STK33: variants seen among roughly 807,000 people sequenced by gnomAD.
The protein encoded by STK33 is serine/threonine kinase 33.
STK33 carries 52 observed loss-of-function variants against 58.0 expected under a neutral mutation model. The observed-to-expected ratio is 0.90, with a 90% confidence interval of 0.72 to 1.13. The LOEUF (loss-of-function observed/expected upper bound fraction) is 1.13, where lower values mean the gene tolerates loss of function less well. Among genes scored for constraint, STK33 ranks in the 50% most tolerant of loss-of-function variants. STK33 has a pLI of 0.00. For missense variants in STK33, 630 were observed against 604.2 expected (o/e 1.04, Z -0.45); for synonymous variants, 215 against 200.1 (o/e 1.07, Z -0.63).
In STK33 at chr11:8,400,503, A is replaced by G. The variant is rs551995050; in HGVS notation, c.1345-7793T>C. On this transcript the variant is annotated intron_variant, in intron 15 of 15. Coordinates refer to ENST00000687296, the MANE Select transcript of STK33 (RefSeq NM_001352389.2). ...TAAGAGCTATCTATGACAAACCCAC[A>G]GCCAATATCATAATGAATGGGCAAA... 2.0e-5 allele frequency among the ~76,000 whole-genome samples: 3 copies of G among 152,334 alleles called. No individual in the cohort carries two copies. In the South Asian group the frequency reaches 6.2e-4, roughly 32 times the overall value.
chr11:8,582,014 T>C (rs966649943), intron 1 of STK33, among the ~76,000 whole-genome samples: 6 of 152,218 alleles, frequency 3.9e-5, no homozygotes, highest in East Asian at 1.9e-4. Context: ...AAAATGACTA[T>C]AGTGCTCCCA....
rs890497385 is a variant in STK33, at chr11:8,570,613, C to T, written c.-466+23470G>A. Reference sequence around the variant, plus strand: ...AATGAGTAAGTTATGGGTGCACACACGTAGTACTGTATGATTCCATTTACA... The same window carrying T: ...AATGAGTAAGTTATGGGTGCACACATGTAGTACTGTATGATTCCATTTACA... On this transcript the variant is annotated intron_variant, in intron 1 of 15. Transcript: ENST00000687296. Among the ~76,000 whole-genome samples the T allele has an allele frequency of 3.9e-5, 6 of 152,256 alleles. No individual in the cohort carries two copies. The South Asian group carries it at 6.2e-4, about 16-fold the overall frequency.
At chr11:8,586,814 A>G (rs575325370) in intron 1 of STK33, among the ~76,000 whole-genome samples, 9 of 124,036 alleles carry the variant, frequency 7.3e-5, no homozygotes, top group Non-Finnish European at 1.5e-4. Flanking sequence ...ACAGAGCAAG[A>G]CTCTGTCTAA....
chr11:8,518,756 T>C (rs1171876691), intron 1 of STK33, among the ~76,000 whole-genome samples: 1 of 152,206 alleles, frequency 6.6e-6, no homozygotes, highest in Non-Finnish European at 1.5e-5. Flanking sequence ...GGCCATTACT[T>C]AATGGTAAAG....
At chr11:8,429,640 A>C (rs958842401) in intron 14 of STK33, among the ~76,000 whole-genome samples, 4 of 152,024 alleles carry the variant, frequency 2.6e-5, no homozygotes, top group African/African-American at 9.7e-5. Context: ...CGACAACCAT[A>C]TCACACACTG....
intron 1 of STK33, among the ~76,000 whole-genome samples, chr11:8,501,908 T>C (rs1288080784): frequency 6.6e-6 from 1 of 152,170 alleles, no homozygotes; most frequent in Non-Finnish European, 1.5e-5. Context: ...TTGAAAATAT[T>C]CTGCTAAGTA....
At chr11:8,577,131 G>C (rs1254427324) in intron 1 of STK33, among the ~76,000 whole-genome samples, 1 of 152,028 alleles carries the variant, frequency 6.6e-6, no homozygotes, top group Non-Finnish European at 1.5e-5. Flanking sequence ...GGGTACTATG[G>C]TATCTAACAT....
the STK33 span, among the ~76,000 whole-genome samples, chr11:8,357,720 T>C: frequency 6.6e-6 from 1 of 151,718 alleles, no homozygotes; most frequent in African/African-American, 2.4e-5. Context: ...AGGCCCACAG[T>C]CCCCCTCCAG....
chr11:8,353,287 C>A, the STK33 span, among the ~76,000 whole-genome samples: 3 of 152,226 alleles, frequency 2.0e-5, no homozygotes, highest in Admixed American at 2.0e-4. Context: ...GTGGCCACAC[C>A]CAGTCAATAG....
rs10635095 is a variant in STK33, at chr11:8,462,442, TACAC to T, written c.454-537_454-534del. ...ACATATATATACATATATACATATATACACACACACACACACACACACACACACA... is the reference window on the plus strand; with the variant it reads ...ACATATATATACATATATACATATATACACACACACACACACACACACACA... On this transcript the variant is annotated intron_variant, in intron 7 of 15. Transcript: ENST00000687296. 2.6e-3 allele frequency among the ~76,000 whole-genome samples: 338 copies of T among 128,358 alleles called. 1 individual carries two copies. Among genetic ancestry groups the T allele is most frequent in the Non-Finnish European group, 4.0e-3 (253 of 62,766 alleles). The allele number at this position is 128,358 out of a possible 152,430, so 84.2% of individuals were successfully genotyped here.
At chr11:8,413,842 A>C (rs1392826845) in intron 14 of STK33, 150 bp from the exon 15 acceptor site, 5 of 697,388 alleles carry the variant, frequency 7.2e-6, no homozygotes, top group Admixed American at 2.8e-5. Flanking sequence ...TCTGATGACC[A>C]CTGGAGTACA....
chr11:8,541,674 C>A (rs551611580), intron 1 of STK33, among the ~76,000 whole-genome samples: 1 of 152,118 alleles, frequency 6.6e-6, no homozygotes, highest in Non-Finnish European at 1.5e-5. Flanking sequence ...ATTTTACTTT[C>A]CATTTGTTCA....
intron 1 of STK33, among the ~76,000 whole-genome samples, chr11:8,524,890 T>A (rs1362438656): frequency 2.0e-5 from 3 of 151,828 alleles, no homozygotes; most frequent in African/African-American, 7.3e-5. Context: ...GAGGAAACTT[T>A]TTGAGGGGAT....
intron 14 of STK33, among the ~76,000 whole-genome samples, chr11:8,430,905 C>T (rs1943345846): frequency 7.1e-6 from 1 of 140,362 alleles, no homozygotes; most frequent in Admixed American, 7.4e-5. Flanking sequence ...CTTGCTCTGT[C>T]ACCCAGGTTG....
chr11:8,482,256 G>A (rs1370625343), intron 1 of STK33, among the ~76,000 whole-genome samples: 2 of 152,198 alleles, frequency 1.3e-5, no homozygotes, highest in African/African-American at 4.8e-5. Flanking sequence ...GAAGAGAAGA[G>A]TGCATGTGGC....
chr11:8,527,074 C>T (rs1349512694), intron 1 of STK33, among the ~76,000 whole-genome samples: 95 of 150,720 alleles, frequency 6.3e-4, no homozygotes, highest in Non-Finnish European at 2.8e-4. Context: ...GGGGTTCATG[C>T]AATTCTCCTG....
intron 14 of STK33, among the ~76,000 whole-genome samples, chr11:8,431,522 A>G (rs1332009260): frequency 6.6e-6 from 1 of 152,228 alleles, no homozygotes; most frequent in Non-Finnish European, 1.5e-5. Flanking sequence ...TTGTGACTAT[A>G]AAGCAAAGTA....
At chr11:8,350,519 A>G in the STK33 span, among the ~76,000 whole-genome samples, 1 of 152,114 alleles carries the variant, frequency 6.6e-6, no homozygotes, top group African/African-American at 2.4e-5. Flanking sequence ...GACAGCTCAC[A>G]TCTCACCTTC....
At chr11:8,591,046 C>T (rs963380379) in intron 1 of STK33, among the ~76,000 whole-genome samples, 1 of 152,214 alleles carries the variant, frequency 6.6e-6, no homozygotes, top group African/African-American at 2.4e-5. Context: ...AACACATCTT[C>T]TCTTTCAGAA....
Sources: gnomAD v4.1 joint callset for allele counts (sites outside exome capture counted in the v4.1 genomes callset) on GRCh38, gnomAD v4.1.1 for gene constraint, MANE v1.5 for transcripts, NCBI Gene and HGNC (gene_info 2026-07-23, HGNC 2026-07-21) for gene names.